GRID2: variants seen among roughly 807,000 people sequenced by gnomAD.
GRID2 encodes glutamate receptor ionotropic, delta-2.
Under a neutral mutation model 114.8 loss-of-function variants are expected in GRID2, and 33 were observed. That is an observed-to-expected ratio of 0.29 (90% CI 0.22 to 0.38). The LOEUF (loss-of-function observed/expected upper bound fraction) is 0.38, where lower values mean the gene tolerates loss of function less well. GRID2 is among the 10% of genes least tolerant of loss of function. The pLI is 1.00. For synonymous variants in GRID2, 505 were observed against 449.9 expected, an observed-to-expected ratio of 1.12 and a Z score of -1.55; for missense variants, 1,184 against 1,257.7, an observed-to-expected ratio of 0.94 and a Z score of 0.89.
chr4:93,750,186 A>G (rs1732195672), intron 14 of GRID2, among the ~76,000 whole-genome samples: 1 of 152,198 alleles, frequency 6.6e-6, no homozygotes, highest in African/African-American at 2.4e-5. Flanking sequence ...AATCCTTTCA[A>G]AGAGATAAAA....
chr4:93,731,895 C>T (rs1449755420), intron 14 of GRID2, among the ~76,000 whole-genome samples: 1 of 152,194 alleles, frequency 6.6e-6, no homozygotes, highest in Non-Finnish European at 1.5e-5. Context: ...AGTTTTGCTT[C>T]TGTTCAGCAG....
intron 2 of GRID2, among the ~76,000 whole-genome samples, chr4:92,952,032 T>A (rs1223313632): frequency 1.3e-5 from 2 of 152,148 alleles, no homozygotes; most frequent in Non-Finnish European, 2.9e-5. Flanking sequence ...ACATGTCCCT[T>A]CACATATGTG....
chr4:92,796,253 A>C (rs1739865796), intron 2 of GRID2, among the ~76,000 whole-genome samples: 1 of 151,972 alleles, frequency 6.6e-6, no homozygotes, highest in African/African-American at 2.4e-5. Context: ...AGACCACTTC[A>C]ACACCTTAAG....
intron 2 of GRID2, among the ~76,000 whole-genome samples, chr4:92,693,494 C>T (rs908882758): frequency 1.3e-5 from 2 of 152,204 alleles, no homozygotes; most frequent in East Asian, 1.9e-4. Flanking sequence ...TATTTTCTCA[C>T]GTAATAACTT....
At chr4:93,747,800 A>AG (rs1178246348) in intron 14 of GRID2, among the ~76,000 whole-genome samples, 1 of 151,770 alleles carries the variant, frequency 6.6e-6, no homozygotes, top group Non-Finnish European at 1.5e-5. Context: ...TTTCCCCCCC[A>AG]GTGGACAGAA....
intron 2 of GRID2, among the ~76,000 whole-genome samples, chr4:92,921,281 A>T (rs1024226602): frequency 2.0e-5 from 3 of 151,828 alleles, no homozygotes; most frequent in African/African-American, 7.3e-5. Context: ...TAACTTCTTT[A>T]CCGTGGGTTC....
At chr4:92,385,446 T>C (rs569523716) in intron 1 of GRID2, among the ~76,000 whole-genome samples, 90 of 151,942 alleles carry the variant, frequency 5.9e-4, no homozygotes, top group African/African-American at 2.0e-3. Context: ...TATTAAAAAT[T>C]GACTCATGCT....
intron 2 of GRID2, among the ~76,000 whole-genome samples, chr4:92,681,634 T>C (rs1362595619): frequency 6.6e-6 from 1 of 152,098 alleles, no homozygotes; most frequent in Non-Finnish European, 1.5e-5. Flanking sequence ...GGCACATGTA[T>C]ACATATGTAA....
At chr4:93,254,303 A>G (rs1749323163) in intron 8 of GRID2, among the ~76,000 whole-genome samples, 1 of 152,130 alleles carries the variant, frequency 6.6e-6, no homozygotes, top group Non-Finnish European at 1.5e-5. Flanking sequence ...AATGAATCTC[A>G]TTTTTAACAT....
rs77359145 is a variant in GRID2 at position 93,601,267 on chromosome 4, C to A, written c.2194-25002C>A. Among the ~76,000 whole-genome samples, 861 of 152,172 alleles carry A rather than the reference C, an allele frequency of 5.7e-3. 12 individuals are homozygous for A. Among genetic ancestry groups the A allele is most frequent in the African/African-American group, 0.019 (791 of 41,516 alleles). The stretch of plus-strand genomic sequence containing the variant: ...TGGACTGGATTAAATACAGCATAAC[C>A]AGATGATAAGAACTGAAAATAGAGT... On this transcript the variant is annotated intron_variant, in intron 13 of 15. Transcript: ENST00000282020.
intron 1 of GRID2, among the ~76,000 whole-genome samples, chr4:92,393,610 T>G (rs139670037): frequency 6.6e-6 from 1 of 152,266 alleles, no homozygotes; most frequent in East Asian, 1.9e-4. Context: ...TTCTGTTCAC[T>G]CCATGTTTTA....
chr4:93,038,858 A>C (rs924110617), intron 2 of GRID2, among the ~76,000 whole-genome samples: 3 of 151,954 alleles, frequency 2.0e-5, no homozygotes, highest in African/African-American at 7.2e-5. Flanking sequence ...GAATGCTTTC[A>C]CACTCTTGGT....
intron 2 of GRID2, among the ~76,000 whole-genome samples, chr4:92,628,038 C>T (rs935954741): frequency 5.9e-5 from 9 of 152,056 alleles, no homozygotes; most frequent in African/African-American, 2.2e-4. Context: ...GAGAGCATAG[C>T]TAATAGTAAA....
In GRID2 at chr4:92,948,519, T is replaced by C. The variant is rs559874080; in HGVS notation, c.245-136476T>C. On this transcript the variant is annotated intron_variant, in intron 2 of 15. Transcript: ENST00000282020. Reference sequence around the variant, plus strand: ...TCTTTCTCTTTCCTTTTTTCTCTTCTACTTTGTATGCCCTTAAGAATGACT... The same window carrying C: ...TCTTTCTCTTTCCTTTTTTCTCTTCCACTTTGTATGCCCTTAAGAATGACT... Among the ~76,000 whole-genome samples the C allele has an allele frequency of 5.3e-3, 803 of 152,058 alleles. 7 individuals are homozygous for C. Among genetic ancestry groups the C allele is most frequent in the African/African-American group, 0.018 (768 of 41,568 alleles).
rs778627066 is a variant in GRID2, at chr4:92,327,129, C to CT, written c.88+22391dup. Among the ~76,000 whole-genome samples, 9 of 151,970 alleles carry CT rather than the reference C, an allele frequency of 5.9e-5. No individual in the cohort carries two copies. In the East Asian group the frequency reaches 1.4e-3, roughly 23 times the overall value. On this transcript the variant is annotated intron_variant, in intron 1 of 15. Transcript: ENST00000282020. ...CATTAAAATATCCTAGTTTTTGTTT[C>CT]TTTTTTGGTGCTTTACAAATAGCTA...
intron 1 of GRID2, among the ~76,000 whole-genome samples, chr4:92,573,193 T>A (rs778832457): frequency 4.6e-5 from 7 of 152,120 alleles, no homozygotes; most frequent in Non-Finnish European, 7.4e-5. Context: ...TCTGATTGCA[T>A]TTATTTGAAT....
rs531594570 is a variant in GRID2 at position 93,076,895 on chromosome 4, TTCTA to T, written c.245-8096_245-8093del. On this transcript the variant is annotated intron_variant, in intron 2 of 15. Coordinates refer to ENST00000282020, the MANE Select transcript of GRID2 (RefSeq NM_001510.4). ...GGCCCAACCTCTTTATTAATGACTT[TTCTA>T]TCTGTTTCAGGATTTTTGCCTAAGA... 1.8e-4 allele frequency among the ~76,000 whole-genome samples: 28 copies of T among 152,252 alleles called. 1 individual carries two copies. The highest frequency in any genetic ancestry group is 1.4e-3 in the Admixed American group (21 of 15,284).
chr4:92,796,231 C>G (rs112511917), intron 2 of GRID2, among the ~76,000 whole-genome samples: 1 of 151,786 alleles, frequency 6.6e-6, no homozygotes, highest in African/African-American at 2.4e-5. Flanking sequence ...GATACTGTGT[C>G]TGGGGGCAAG....
chr4:92,812,751 A>C (rs1740718398), intron 2 of GRID2, among the ~76,000 whole-genome samples: 1 of 152,132 alleles, frequency 6.6e-6, no homozygotes, highest in Non-Finnish European at 1.5e-5. Context: ...TGATACAGAA[A>C]GTGTCTATAA....
Sources: allele counts gnomAD v4.1 joint callset (sites outside exome capture counted in the v4.1 genomes callset), GRCh38; gene constraint gnomAD v4.1.1; transcripts MANE v1.5; gene names NCBI Gene and HGNC (gene_info 2026-07-23, HGNC 2026-07-21).